Variants in CYTH2 observed in about 807,000 individuals in gnomAD.
The protein encoded by CYTH2 is cytohesin 2.
A neutral mutation model predicts 55.4 loss-of-function variants in CYTH2; 24 were observed. The ratio of observed to expected loss-of-function variants is 0.43; its 90% CI spans 0.31 to 0.61. The LOEUF (loss-of-function observed/expected upper bound fraction) is 0.61. CYTH2 is among the 20% of genes least tolerant of loss of function. The pLI, the probability that CYTH2 is intolerant of heterozygous loss-of-function variation, is 0.08. For missense variants in CYTH2, 378 were observed against 533.5 expected (o/e 0.71, Z 2.87); for synonymous variants, 221 against 209.6 (o/e 1.05, Z -0.47).
chr19:48,473,660 C>G, intron 5 of CYTH2: 1 of 595,504 alleles, frequency 1.7e-6, no homozygotes, highest in East Asian at 2.8e-5. Context: ...TACCTGATAA[C>G]AAGCCTCAAC....
At chr19:48,477,516 AC>A (rs1971939483) in intron 8 of CYTH2, 1 of 155,290 alleles carries the variant, frequency 6.4e-6, no homozygotes, top group Non-Finnish European at 1.4e-5. Context: ...CGTGGATGTA[AC>A]TGGTTTTCTT....
At position 48,478,093 on chromosome 19, in the gene CYTH2, G is replaced by C; in HGVS notation, c.833G>C (p.Arg278Pro). ...GGGGGCCGGGTGAAGACGTGGAAGC[G>C]GCGCTGGTTTATCCTCACAGACAAC... is the stretch of plus-strand genomic sequence containing the variant. The part of the protein sequence containing the change: ...KLGGRVKTWK[R>P]RWFILTDNCL... Residue 278 changes from arginine to proline, a missense_variant, in exon 9 of 12, where the codon CGG (arginine) becomes CCG (proline). By Grantham distance (103) the Arg-to-Pro change is moderately radical. Transcript: ENST00000452733. 6.2e-7 allele frequency: 1 copy of C among 1,614,130 alleles called. No individual in the cohort carries two copies. Among genetic ancestry groups the C allele is most frequent in the Non-Finnish European group, 8.5e-7 (1 of 1,179,996 alleles).
In CYTH2 at chr19:48,479,498, G is replaced by C. The variant is rs1463529737; in HGVS notation, c.*288G>C. 2.2e-6 allele frequency: 1 copy of C among 456,882 alleles called. No homozygotes were observed. Among genetic ancestry groups the C allele is most frequent in the Non-Finnish European group, 4.0e-6 (1 of 249,882 alleles). 28.3% of individuals were successfully genotyped at this position (456,882 alleles called of 1,614,324 possible). A position where few individuals can be genotyped will look rare whatever the true frequency, so the allele number is the denominator to read the frequency against. On this transcript the variant is annotated 3_prime_UTR_variant, in exon 12 of 12. Transcript: ENST00000452733. ...CCGCCTGTCTCTGGGTGCTGCCTGG[G>C]CTGTCCCGGTGGGTCTGTTCTGGTT...
At chr19:48,470,572 C>G (rs1454104339) in intron 2 of CYTH2, 31 bp from the exon 3 acceptor site, 9 of 1,614,076 alleles carry the variant, frequency 5.6e-6, no homozygotes, top group Non-Finnish European at 7.6e-6. Flanking sequence ...CATTGACCCT[C>G]CACCCCCAAC....
chr19:48,472,765 C>T, intron 4 of CYTH2: 1 of 403,678 alleles, frequency 2.5e-6, no homozygotes, highest in Non-Finnish European at 4.7e-6. Flanking sequence ...TAGACCATGG[C>T]TGTGCATAGG....
intron 8 of CYTH2, 142 bp from the exon 9 acceptor site, chr19:48,477,927 G>A: frequency 1.6e-6 from 1 of 627,510 alleles, no homozygotes; most frequent in Non-Finnish European, 2.9e-6. Context: ...CTGCTTGTCT[G>A]TCTCCCCCAA....
Position 48,473,887 on chromosome 19 carries a change from G to T in CYTH2, c.435-18G>T, listed in dbSNP as rs978735449. ...CCCACCAGCCCTGGCATCCATTCCT[G>T]GCCCCTCCCCAACCCAGGCAGTTTC... is the stretch of plus-strand genomic sequence containing the variant. On this transcript the variant is annotated intron_variant, in intron 5 of 11. Transcript: ENST00000452733. 6.3e-7 allele frequency: 1 copy of T among 1,583,098 alleles called. No homozygotes were observed. The highest frequency in any genetic ancestry group is 8.6e-7 in the Non-Finnish European group (1 of 1,163,900).
chr19:48,470,267 C>A, intron 1 of CYTH2, 86 bp from the exon 2 acceptor site: 1 of 1,521,954 alleles, frequency 6.6e-7, no homozygotes, highest in South Asian at 1.3e-5. Flanking sequence ...TACACATCCT[C>A]TCCCAGCTCT....
Position 48,474,799 on chromosome 19 carries a change from C to T in CYTH2, c.697-39C>T. 6.2e-7 allele frequency: 1 copy of T among 1,608,232 alleles called. No homozygotes were observed. Among genetic ancestry groups the T allele is most frequent in the Non-Finnish European group, 8.5e-7 (1 of 1,175,598 alleles). The stretch of plus-strand genomic sequence containing the variant: ...CACCCTGAGTAACCCTGGGGGGCCC[C>T]AGGGGGCTCGAATGGCTAATGCAGC... On this transcript the variant is annotated intron_variant, in intron 7 of 11. Coordinates refer to ENST00000452733, the MANE Select transcript of CYTH2 (RefSeq NM_004228.7). This position sits in a 1 kb window ranked among gnomAD's most constrained non-coding sequence, Gnocchi z 4.9.
Position 48,479,199 on chromosome 19 carries a change from G to A in CYTH2, c.1189G>A (p.Glu397Lys). ...KKRISVKKKQEQP is the reference protein window; with the variant it reads ...KKRISVKKKQKQP ...GCGGATTTCAGTCAAGAAGAAGCAG[G>A]AGCAGCCCTGACCCCCTGCCCCCAA... Residue 397 changes from glutamate to lysine, a missense_variant, in exon 12 of 12, where the codon GAG (glutamate) becomes AAG (lysine). Transcript: ENST00000452733. 3.7e-6 allele frequency: 6 copies of A among 1,614,038 alleles called. No individual in the cohort carries two copies. The highest frequency in any genetic ancestry group is 5.1e-6 in the Non-Finnish European group (6 of 1,179,960).
intron 4 of CYTH2, chr19:48,472,714 A>T (rs1385191579): frequency 1.2e-5 from 6 of 493,418 alleles, no homozygotes; most frequent in Non-Finnish European, 2.3e-5. Flanking sequence ...AGAAGGGTAG[A>T]GAACATCTCT....
Position 48,472,368 on chromosome 19 carries a change from C to T in CYTH2, c.278C>T (p.Pro93Leu). ...GAGAATGAACTGCTGCAGAACACAC[C>T]CGAGGAGATCGCCCGCTTCCTGTAC... ...LVENELLQNT[P>L]EEIARFLYKG... Residue 93 changes from proline (P) to leucine (L), a missense_variant, in exon 4 of 12, where the codon CCC (proline) becomes CTC (leucine). Physicochemically the swap from Pro to Leu is moderately conservative, Grantham distance 98. Transcript: ENST00000452733. 1 of 1,613,980 alleles carries T rather than the reference C, an allele frequency of 6.2e-7. No individual in the cohort carries two copies. Among genetic ancestry groups the T allele is most frequent in the Non-Finnish European group, 8.5e-7 (1 of 1,180,022 alleles).
intron 8 of CYTH2, 108 bp from the exon 9 acceptor site, chr19:48,477,961 A>C (rs1361194395): frequency 3.5e-5 from 29 of 836,498 alleles, no homozygotes. Flanking sequence ...TCTAGGCCCC[A>C]GGAGCCCCAC....
chr19:48,469,569 G>A (rs1971739699), intron 1 of CYTH2, 43 bp downstream of exon 1: 3 of 1,319,906 alleles, frequency 2.3e-6, no homozygotes, highest in South Asian at 4.5e-5. Flanking sequence ...TTGCTGGAGC[G>A]TTTTCTCCTG....
At chr19:48,471,679 C>A (rs1180668000) in intron 3 of CYTH2, among the ~76,000 whole-genome samples, 1 of 152,216 alleles carries the variant, frequency 6.6e-6, no homozygotes, top group African/African-American at 2.4e-5. Context: ...GTTCACAGCC[C>A]TTGAAGGACT....
chr19:48,470,726 G>A, intron 3 of CYTH2, 57 bp downstream of exon 3: 2 of 1,601,140 alleles, frequency 1.2e-6, no homozygotes, highest in Admixed American at 1.7e-5. Context: ...AGGGGCTTCT[G>A]GCACCTCCGG....
intron 1 of CYTH2, 90 bp from the exon 2 acceptor site, chr19:48,470,263 T>A (rs1971763456): frequency 1.3e-6 from 2 of 1,513,636 alleles, no homozygotes; most frequent in Non-Finnish European, 1.8e-6. Flanking sequence ...CCCTTACACA[T>A]CCTCTCCCAG....
chr19:48,479,421 G>A lies in CYTH2; in HGVS notation c.*211G>A. 1.7e-6 allele frequency: 1 copy of A among 573,014 alleles called. No homozygotes were observed. Among genetic ancestry groups the A allele is most frequent in the Non-Finnish European group, 3.1e-6 (1 of 323,838 alleles). The allele number at this position is 573,014 out of a possible 1,614,324, so 35.5% of individuals were successfully genotyped here. On this transcript the variant is annotated 3_prime_UTR_variant, in exon 12 of 12. Transcript: ENST00000452733. ...ACCCCCTCATTTCTTGGGGTTGACA[G>A]AGTCGAGGTGCTCCGTGGAGCCAGC...
chr19:48,473,742 G>T, intron 5 of CYTH2, 163 bp from the exon 6 acceptor site: 1 of 626,694 alleles, frequency 1.6e-6, no homozygotes, highest in Non-Finnish European at 2.8e-6. Flanking sequence ...CACTCCCGTG[G>T]CCAATGCCCA....
Sources: gnomAD v4.1 joint callset for allele counts (sites outside exome capture counted in the v4.1 genomes callset) on GRCh38, gnomAD v4.1.1 for gene constraint, Gnocchi (gnomAD v3.1) non-coding constraint, MANE v1.5 for transcripts, NCBI Gene and HGNC (gene_info 2026-07-23, HGNC 2026-07-21) for gene names.